Variants in PKHD1 observed in about 807,000 individuals in gnomAD.
PKHD1 encodes fibrocystin.
PKHD1 carries 291 observed loss-of-function variants against 412.0 expected under a neutral mutation model. That is an observed-to-expected ratio of 0.71 (90% CI 0.64 to 0.78). PKHD1 has a LOEUF of 0.78. Ranked by LOEUF, PKHD1 falls within the 30% of genes least tolerant of loss-of-function variation. The probability of loss-of-function intolerance (pLI) is 0.00; values close to 1 mark genes in which losing one functional copy is unlikely to be tolerated. For synonymous variants in PKHD1, 1,777 were observed against 1,821.5 expected (o/e 0.98, Z 0.62); for missense variants, 4,825 against 4,950.7 (o/e 0.97, Z 0.76).
In PKHD1 at chr6:51,990,206, A is replaced by T. The variant is rs188156143; in HGVS notation, c.5751+20103T>A. 9.8e-3 allele frequency among the ~76,000 whole-genome samples: 1,495 copies of T among 151,880 alleles called. 11 individuals are homozygous for T. The highest frequency in any genetic ancestry group is 0.024 in the Middle Eastern group (7 of 294). ...AACACACTCTATCAAAGATTTTTTT[A>T]AAAAATCATTGGGAAGGCACTAGGG... On this transcript the variant is annotated intron_variant, in intron 35 of 66. Coordinates refer to ENST00000371117, the MANE Select transcript of PKHD1 (RefSeq NM_138694.4).
chr6:52,016,649 A>G (rs1251914163), intron 34 of PKHD1, among the ~76,000 whole-genome samples: 1 of 151,696 alleles, frequency 6.6e-6, no homozygotes, highest in Non-Finnish European at 1.5e-5. Flanking sequence ...AAAAAAAAAA[A>G]AAAAAGAAAA....
At position 51,659,972 on chromosome 6, in the gene PKHD1, A is replaced by G. The variant is rs1772565956; in HGVS notation, c.10157-3T>C. 3.2e-6 allele frequency: 5 copies of G among 1,579,222 alleles called. No individual in the cohort carries two copies. The highest frequency in any genetic ancestry group is 3.5e-6 in the Non-Finnish European group (4 of 1,149,310). ...TTTCTGTTCTTCTCTAAATGTACCT[A>G]TAAAAGAAAAGAAGCAAAACAAGTG... is the stretch of plus-strand genomic sequence containing the variant. On this transcript the variant is annotated splice_region_variant and splice_polypyrimidine_tract_variant and intron_variant, in intron 60 of 66. Coordinates refer to ENST00000371117, the MANE Select transcript of PKHD1 (RefSeq NM_138694.4).
chr6:51,998,406 T>C lies in PKHD1; in HGVS notation c.5751+11903A>G, dbSNP rs1369519548. 2.0e-5 allele frequency among the ~76,000 whole-genome samples: 3 copies of C among 152,218 alleles called. No homozygotes were observed. The East Asian group carries it at 5.8e-4, about 29-fold the overall frequency. On this transcript the variant is annotated intron_variant, in intron 35 of 66. Transcript: ENST00000371117. The stretch of plus-strand genomic sequence containing the variant: ...ACAGAGGGAATAACTGCAAAGCTGC[T>C]GCAAATTCTCTTAGGTAAAGGAGAA...
chr6:52,045,145 T>G, intron 24 of PKHD1, 57 bp from the exon 25 acceptor site: 2 of 1,551,480 alleles, frequency 1.3e-6, no homozygotes, highest in Non-Finnish European at 1.8e-6. Context: ...TAATCTCGTC[T>G]AATCAAATAA....
Position 51,665,680 on chromosome 6 carries a change from T to A in PKHD1, c.10157-5711A>T, listed in dbSNP as rs193031357. ...GCAGCTAATGCATAGATGTAATAAT[T>A]CAGAGTCTCTTAAAATGTACATTTC... On this transcript the variant is annotated intron_variant, in intron 60 of 66. Transcript: ENST00000371117. 4.8e-4 allele frequency among the ~76,000 whole-genome samples: 73 copies of A among 152,244 alleles called. 1 individual carries two copies. The highest frequency in any genetic ancestry group is 1.7e-3 in the African/African-American group (70 of 41,558).
chr6:51,830,398 T>C (rs1219500043), intron 52 of PKHD1, among the ~76,000 whole-genome samples: 1 of 152,200 alleles, frequency 6.6e-6, no homozygotes, highest in East Asian at 1.9e-4. Flanking sequence ...TTTATTAACC[T>C]ACTTCTCGGC....
In PKHD1 at chr6:51,855,360, G is replaced by C. The variant is rs147747370; in HGVS notation, c.7911+533C>G. Among the ~76,000 whole-genome samples the C allele has an allele frequency of 2.9e-3, 445 of 152,294 alleles. 2 individuals are homozygous for C. The highest frequency in any genetic ancestry group is 7.5e-3 in the African/African-American group (311 of 41,560). On this transcript the variant is annotated intron_variant, in intron 49 of 66. Coordinates refer to ENST00000371117, the MANE Select transcript of PKHD1 (RefSeq NM_138694.4). ...CTCCGAACGTCTCTGTTTCTAGTAA[G>C]CCATCTTGCCACACGGCCATTTCTA...
At chr6:51,753,030 A>C (rs549141599) in intron 57 of PKHD1, among the ~76,000 whole-genome samples, 171 bp downstream of exon 57, 1 of 152,230 alleles carries the variant, frequency 6.6e-6, no homozygotes, top group Non-Finnish European at 1.5e-5. Context: ...CATCACACTG[A>C]TAATTAAGCA....
chr6:51,981,301 AAAGCTC>A (rs149843697), intron 35 of PKHD1, among the ~76,000 whole-genome samples: 6,903 of 36,842 alleles, frequency 0.19, 972 homozygotes, highest in Middle Eastern at 0.33. Context: ...GAGAGGCTCC[AAAGCTC>A]AAGCTCTCCC....
chr6:52,013,273 T>C (rs1299983123), intron 34 of PKHD1, among the ~76,000 whole-genome samples: 2 of 152,228 alleles, frequency 1.3e-5, no homozygotes, highest in Non-Finnish European at 2.9e-5. Flanking sequence ...GTTTGCCTGT[T>C]AGGAACACAC....
chr6:51,747,712 A>G, intron 58 of PKHD1, 75 bp downstream of exon 58: 1 of 1,331,862 alleles, frequency 7.5e-7, no homozygotes, highest in Non-Finnish European at 1.1e-6. Flanking sequence ...TGTTGATAAA[A>G]TTTCAGAATG....
chr6:52,042,090 T>C (rs1484764482), intron 27 of PKHD1, among the ~76,000 whole-genome samples: 2 of 152,182 alleles, frequency 1.3e-5, no homozygotes, highest in Non-Finnish European at 2.9e-5. Context: ...GCTCCATATA[T>C]CATCTGACCT....
At position 51,753,241 on chromosome 6, in the gene PKHD1, A is replaced by C; in HGVS notation, c.8910T>G (p.Phe2970Leu). 6.2e-7 allele frequency: 1 copy of C among 1,613,874 alleles called. No individual in the cohort carries two copies. Among genetic ancestry groups the C allele is most frequent in the Non-Finnish European group, 8.5e-7 (1 of 1,179,802 alleles). ...QPDVSCRGRLFVGSFRKSSRE... is the reference protein window; with the variant it reads ...QPDVSCRGRLLVGSFRKSSRE... ...GGCTGGACTTCCTGAAGGACCCCAC[A>C]AACAGTCTCCCCCTACATGATACGT... Residue 2970 changes from phenylalanine to leucine, a missense_variant, in exon 57 of 67, where the codon TTT becomes TTG. By Grantham distance (22) the Phe-to-Leu change is conservative. Coordinates refer to ENST00000371117, the MANE Select transcript of PKHD1 (RefSeq NM_138694.4).
chr6:51,702,223 A>G (rs1258974527), intron 60 of PKHD1, among the ~76,000 whole-genome samples: 4 of 147,720 alleles, frequency 2.7e-5, no homozygotes, highest in African/African-American at 9.9e-5. Flanking sequence ...AATATATTAT[A>G]TATATGTCAT....
At chr6:52,075,889 G>A (rs9463754) in intron 6 of PKHD1, among the ~76,000 whole-genome samples, 2,810 of 152,246 alleles carry the variant, frequency 0.018, 81 homozygotes, top group African/African-American at 0.064. Context: ...AGGTTTTGGC[G>A]AGGATCTAGT....
intron 64 of PKHD1, among the ~76,000 whole-genome samples, chr6:51,636,227 GA>G (rs1768550083): frequency 6.6e-6 from 1 of 152,104 alleles, no homozygotes; most frequent in African/African-American, 2.4e-5. Flanking sequence ...AGAGATGAGG[GA>G]AAATAGTGGA....
At chr6:51,768,903 C>T (rs1457100210) in intron 55 of PKHD1, among the ~76,000 whole-genome samples, 1 of 151,584 alleles carries the variant, frequency 6.6e-6, no homozygotes, top group Non-Finnish European at 1.5e-5. Context: ...TCTTCATTTA[C>T]TGTTTATTCC....
At chr6:51,662,408 T>C (rs949700578) in intron 60 of PKHD1, among the ~76,000 whole-genome samples, 7 of 151,864 alleles carry the variant, frequency 4.6e-5, no homozygotes, top group African/African-American at 7.2e-5. Context: ...GTTTTCGCAA[T>C]GTATATGTGT....
intron 35 of PKHD1, among the ~76,000 whole-genome samples, chr6:51,989,949 A>AGGGAGGG (rs1796799425): frequency 9.5e-6 from 1 of 105,730 alleles, no homozygotes; most frequent in African/African-American, 3.7e-5. Context: ...GGAAGGAAGA[A>AGGGAGGG]AGGAAGGAAA....
Sources: allele counts gnomAD v4.1 joint callset (sites outside exome capture counted in the v4.1 genomes callset), GRCh38; gene constraint gnomAD v4.1.1; transcripts MANE v1.5; gene names NCBI Gene and HGNC (gene_info 2026-07-23, HGNC 2026-07-21).